Variants in PTPRM observed in about 807,000 individuals in gnomAD.
PTPRM encodes the protein receptor-type tyrosine-protein phosphatase mu.
PTPRM carries 47 observed loss-of-function variants against 186.7 expected under a neutral mutation model. The ratio of observed to expected loss-of-function variants is 0.25; its 90% confidence interval spans 0.20 to 0.32. The LOEUF (loss-of-function observed/expected upper bound fraction) is 0.32. PTPRM is among the 10% of genes least tolerant of loss of function. PTPRM has a pLI of 1.00. For synonymous variants in PTPRM, 668 were observed against 674.9 expected (o/e 0.99, Z 0.16); for missense variants, 1,494 against 1,865.0 (o/e 0.80, Z 3.66).
chr18:8,255,045 G>T (rs79893843), intron 19 of PTPRM, among the ~76,000 whole-genome samples: 1 of 152,252 alleles, frequency 6.6e-6, no homozygotes, highest in Non-Finnish European at 1.5e-5. Context: ...GCAATTCAAT[G>T]TGTAAATTCA....
chr18:7,569,920 G>C (rs1262847513), intron 1 of PTPRM, among the ~76,000 whole-genome samples: 1 of 152,186 alleles, frequency 6.6e-6, no homozygotes, highest in East Asian at 1.9e-4. Context: ...AGTGGGTAAA[G>C]GGCAGCATCC....
At chr18:7,833,863 G>A (rs557509671) in intron 2 of PTPRM, among the ~76,000 whole-genome samples, 1 of 152,162 alleles carries the variant, frequency 6.6e-6, no homozygotes, top group Non-Finnish European at 1.5e-5. Flanking sequence ...ATAGGTTTTG[G>A]ATAGCATCTT....
At chr18:7,877,927 G>A (rs182534249) in intron 2 of PTPRM, among the ~76,000 whole-genome samples, 11 of 152,332 alleles carry the variant, frequency 7.2e-5, no homozygotes, top group African/African-American at 2.6e-4. Flanking sequence ...TTGGCAAGGA[G>A]TGTGACTCTC....
chr18:8,226,864 C>T (rs906886361), intron 14 of PTPRM, among the ~76,000 whole-genome samples: 1 of 152,052 alleles, frequency 6.6e-6, no homozygotes, highest in African/African-American at 2.4e-5. Context: ...GGCCTTTTTT[C>T]CACTTCTGGA....
intron 7 of PTPRM, among the ~76,000 whole-genome samples, chr18:8,039,302 A>G (rs2148144222): frequency 6.6e-6 from 1 of 152,186 alleles, no homozygotes; most frequent in Non-Finnish European, 1.5e-5. Flanking sequence ...ACTTGTTCAG[A>G]TTTGTTTTTT....
At chr18:8,024,178 A>G (rs557851501) in intron 7 of PTPRM, among the ~76,000 whole-genome samples, 7 of 151,660 alleles carry the variant, frequency 4.6e-5, no homozygotes, top group African/African-American at 9.7e-5. Context: ...TTTTTGTTTT[A>G]TTTCTTTAAT....
At chr18:8,268,555 GA>G (rs1242852229) in intron 19 of PTPRM, among the ~76,000 whole-genome samples, 1 of 151,946 alleles carries the variant, frequency 6.6e-6, no homozygotes, top group Non-Finnish European at 1.5e-5. Context: ...TTGAAGATGA[GA>G]AAACAGTTCC....
At chr18:7,609,781 G>A (rs1258391399) in intron 1 of PTPRM, among the ~76,000 whole-genome samples, 1 of 152,064 alleles carries the variant, frequency 6.6e-6, no homozygotes, top group Non-Finnish European at 1.5e-5. Context: ...CTTGAGTTAG[G>A]GAGAGTATTT....
chr18:7,627,457 C>G (rs1466911636), intron 1 of PTPRM, among the ~76,000 whole-genome samples: 4 of 152,106 alleles, frequency 2.6e-5, no homozygotes, highest in African/African-American at 9.7e-5. Context: ...GAGAACTGGC[C>G]CTTCCCAGTG....
chr18:7,824,275 A>G (rs1310045576), intron 2 of PTPRM, among the ~76,000 whole-genome samples: 1 of 152,190 alleles, frequency 6.6e-6, no homozygotes, highest in Non-Finnish European at 1.5e-5. Context: ...GAAAGCCTCT[A>G]GAGGAAGTAG....
chr18:7,639,704 T>C lies in PTPRM; in HGVS notation c.73+71813T>C, dbSNP rs546455757. ...ACCGCTCTCGGCCTCTATATGCTTT[T>C]ATATTCATATTCCACATGCTGTTTA... On this transcript the variant is annotated intron_variant, in intron 1 of 32. Transcript: ENST00000580170. Among the ~76,000 whole-genome samples, 4 of 152,362 alleles carry C rather than the reference T, an allele frequency of 2.6e-5. No individual in the cohort carries two copies. The East Asian group carries it at 5.8e-4, about 22-fold the overall frequency.
intron 2 of PTPRM, among the ~76,000 whole-genome samples, chr18:7,801,752 T>C (rs111926306): frequency 3.9e-4 from 60 of 152,312 alleles, no homozygotes; most frequent in African/African-American, 1.4e-3. Flanking sequence ...ATGACTGTAG[T>C]GTCACTAGGC....
chr18:7,918,730 T>A (rs2146701297), intron 4 of PTPRM, among the ~76,000 whole-genome samples: 1 of 152,310 alleles, frequency 6.6e-6, no homozygotes, highest in African/African-American at 2.4e-5. Context: ...TTGCAAGTAT[T>A]TTCTCCCATT....
rs1454334554 is a variant in PTPRM, at chr18:7,975,516, G to A, written c.1132+20102G>A. ...TGCCAATATGGTAATGCTACATACT[G>A]TATAATTTCAACTACGGTAAGGTTC... On this transcript the variant is annotated intron_variant, in intron 7 of 32. Coordinates refer to ENST00000580170, the MANE Select transcript of PTPRM (RefSeq NM_001105244.2). Among the ~76,000 whole-genome samples, 9 of 152,248 alleles carry A rather than the reference G, an allele frequency of 5.9e-5. No individual in the cohort carries two copies. In the South Asian group the frequency reaches 1.0e-3, roughly 18 times the overall value.
intron 23 of PTPRM, among the ~76,000 whole-genome samples, chr18:8,355,883 C>T (rs928677776): frequency 5.9e-5 from 9 of 152,166 alleles, no homozygotes; most frequent in East Asian, 3.8e-4. Flanking sequence ...CTAGTCAAGG[C>T]GCTGATGCTA....
intron 4 of PTPRM, among the ~76,000 whole-genome samples, chr18:7,922,325 T>C (rs1035338722): frequency 1.3e-5 from 2 of 152,226 alleles, no homozygotes; most frequent in Admixed American, 6.5e-5. Flanking sequence ...TTTCTAATGC[T>C]GGGGTGGCAG....
chr18:7,735,901 A>G (rs2040760264), intron 1 of PTPRM, among the ~76,000 whole-genome samples: 1 of 151,740 alleles, frequency 6.6e-6, no homozygotes, highest in African/African-American at 2.4e-5. Flanking sequence ...CTTTTAACCA[A>G]TTGCCAATCA....
intron 7 of PTPRM, among the ~76,000 whole-genome samples, chr18:8,033,075 A>G (rs1357242224): frequency 6.6e-6 from 1 of 152,180 alleles, no homozygotes; most frequent in Non-Finnish European, 1.5e-5. Context: ...ATCTATTCAT[A>G]TAAAAAATAT....
intron 1 of PTPRM, among the ~76,000 whole-genome samples, chr18:7,571,530 T>A (rs1346719022): frequency 1.3e-5 from 2 of 152,126 alleles, no homozygotes; most frequent in Non-Finnish European, 2.9e-5. Flanking sequence ...CTTATAATGG[T>A]TTTGATGTGT....
Sources: allele counts gnomAD v4.1 joint callset (sites outside exome capture counted in the v4.1 genomes callset), GRCh38; gene constraint gnomAD v4.1.1; transcripts MANE v1.5; gene names NCBI Gene and HGNC (gene_info 2026-07-23, HGNC 2026-07-21).